SNTB1: variants seen among roughly 807,000 people sequenced by gnomAD.
SNTB1 encodes the protein beta-1-syntrophin.
Under a neutral mutation model 48.9 loss-of-function variants are expected in SNTB1, and 36 were observed. The ratio of observed to expected loss-of-function variants is 0.74; its 90% CI spans 0.56 to 0.97. SNTB1 has a LOEUF of 0.97. Among genes scored for constraint, SNTB1 ranks in the 50% least tolerant of loss-of-function variants. SNTB1 has a pLI of 0.00. For missense variants in SNTB1, 786 were observed against 703.4 expected, an observed-to-expected ratio of 1.12 and a Z score of -1.33; for synonymous variants, 299 against 294.6, an observed-to-expected ratio of 1.01 and a Z score of -0.15.
chr8:120,589,900 A>G (rs11774895), intron 3 of SNTB1, among the ~76,000 whole-genome samples: 1 of 151,924 alleles, frequency 6.6e-6, no homozygotes, highest in South Asian at 2.1e-4. Context: ...CCCAGAATTT[A>G]CTCTTTCCTT....
chr8:120,723,266 A>T (rs1818697222), intron 1 of SNTB1, among the ~76,000 whole-genome samples: 1 of 152,224 alleles, frequency 6.6e-6, no homozygotes, highest in South Asian at 2.1e-4. Flanking sequence ...ATATGAACAA[A>T]GCAGGTTTAA....
At chr8:120,717,580 C>A (rs532540863) in intron 1 of SNTB1, among the ~76,000 whole-genome samples, 11 of 152,332 alleles carry the variant, frequency 7.2e-5, no homozygotes, top group African/African-American at 2.6e-4. Context: ...GGTTGCCTTT[C>A]TTCATCACGG....
intron 1 of SNTB1, among the ~76,000 whole-genome samples, chr8:120,738,361 G>T (rs1420656232): frequency 6.6e-6 from 1 of 152,150 alleles, no homozygotes; most frequent in African/African-American, 2.4e-5. Flanking sequence ...ACCCACTAAA[G>T]CTTCTAAAGT....
intron 3 of SNTB1, among the ~76,000 whole-genome samples, chr8:120,599,928 C>A (rs191685052): frequency 4.6e-5 from 7 of 152,292 alleles, no homozygotes; most frequent in Admixed American, 1.3e-4. Context: ...TTGGATTATG[C>A]ATAAGCTATA....
At chr8:120,645,136 T>A (rs1245155042) in intron 2 of SNTB1, among the ~76,000 whole-genome samples, 1 of 151,838 alleles carries the variant, frequency 6.6e-6, no homozygotes, top group Middle Eastern at 3.4e-3. Context: ...TGATGGTAGT[T>A]TCTTTTGCTG....
Position 120,777,435 on chromosome 8 carries a change from C to A in SNTB1, c.571+33838G>T, listed in dbSNP as rs567463992. Among the ~76,000 whole-genome samples, 3 of 152,264 alleles carry A rather than the reference C, an allele frequency of 2.0e-5. No individual in the cohort carries two copies. In the South Asian group the frequency reaches 6.2e-4, roughly 32 times the overall value. On this transcript the variant is annotated intron_variant, in intron 1 of 6. Transcript: ENST00000517992. ...AGAGAGGAGAGCCACCTTGAAGTTA[C>A]AATTTTTAAAAAATCAGCCGCTAGA...
rs774157834 is a variant in SNTB1 at position 120,571,403 on chromosome 8, C to T, written c.1136+3683G>A. On this transcript the variant is annotated intron_variant, in intron 4 of 6. Coordinates refer to ENST00000517992, the MANE Select transcript of SNTB1 (RefSeq NM_021021.4). ...GTACAGAAAGCAATAGCGATTGGGCCGAATTCTCATGGACCCCAAGGCACA... is the reference window on the plus strand; with the variant it reads ...GTACAGAAAGCAATAGCGATTGGGCTGAATTCTCATGGACCCCAAGGCACA... The T allele has an allele frequency of 2.4e-5, 28 of 1,187,540 alleles. No homozygotes were observed. The South Asian group carries it at 2.8e-4, about 12-fold the overall frequency. 73.6% of individuals were successfully genotyped at this position (1,187,540 alleles called of 1,614,324 possible).
At chr8:120,588,216 A>G (rs1816180504) in intron 3 of SNTB1, among the ~76,000 whole-genome samples, 1 of 152,172 alleles carries the variant, frequency 6.6e-6, no homozygotes, top group Non-Finnish European at 1.5e-5. Context: ...AAGGAAGAAA[A>G]TGTTAAAATG....
chr8:120,658,307 A>G (rs1178157693), intron 2 of SNTB1, among the ~76,000 whole-genome samples: 2 of 152,186 alleles, frequency 1.3e-5, no homozygotes, highest in Non-Finnish European at 2.9e-5. Flanking sequence ...TAGAAGCTGG[A>G]TGGGACAGGA....
At position 120,558,468 on chromosome 8, in the gene SNTB1, G is replaced by C. The variant is rs148781472; in HGVS notation, c.1137-9510C>G. Among the ~76,000 whole-genome samples the C allele has an allele frequency of 2.4e-3, 373 of 152,268 alleles. 2 individuals carry two copies. The highest frequency in any genetic ancestry group is 8.7e-3 in the African/African-American group (361 of 41,540). On this transcript the variant is annotated intron_variant, in intron 4 of 6. Coordinates refer to ENST00000517992, the MANE Select transcript of SNTB1 (RefSeq NM_021021.4). ...GCTTTGTTCTTCACAAAATTGATTA[G>C]TTACAAAATTCAGAAACACATTCCC...
At chr8:120,645,577 T>C (rs1370762426) in intron 2 of SNTB1, among the ~76,000 whole-genome samples, 4 of 146,426 alleles carry the variant, frequency 2.7e-5, no homozygotes, top group Non-Finnish European at 6.1e-5. Flanking sequence ...CCTTGTAGTA[T>C]AGTTTGAAGT....
rs1304552658 is a variant in SNTB1 at position 120,537,151 on chromosome 8, A to C, written c.*1726T>G. The stretch of plus-strand genomic sequence containing the variant: ...GTTTTCTAAAGCATTAAAAAAAAAA[A>C]ACAAATAACAACAACAAAAAAACCC... On this transcript the variant is annotated 3_prime_UTR_variant, in exon 7 of 7. Coordinates refer to ENST00000517992, the MANE Select transcript of SNTB1 (RefSeq NM_021021.4). 6.6e-6 allele frequency: 1 copy of C among 151,222 alleles called. No individual in the cohort carries two copies. Among genetic ancestry groups the C allele is most frequent in the South Asian group, 2.1e-4 (1 of 4,790 alleles). The allele number at this position is 151,222 out of a possible 1,614,324, so 9.4% of individuals were successfully genotyped here. A position where few individuals can be genotyped will look rare whatever the true frequency, so the allele number is the denominator to read the frequency against.
At chr8:120,553,581 T>C (rs201849296) in intron 4 of SNTB1, among the ~76,000 whole-genome samples, 1 of 152,218 alleles carries the variant, frequency 6.6e-6, no homozygotes, top group East Asian at 1.9e-4. Context: ...AATGCATCTA[T>C]ATTCTGGAAA....
intron 2 of SNTB1, among the ~76,000 whole-genome samples, chr8:120,664,253 A>G (rs1324439907): frequency 1.3e-5 from 2 of 152,186 alleles, no homozygotes; most frequent in African/African-American, 2.4e-5. Flanking sequence ...AAGAGTGGGT[A>G]TTCCAGTCTG....
chr8:120,712,800 T>C (rs1350997740), intron 1 of SNTB1, among the ~76,000 whole-genome samples: 5 of 152,146 alleles, frequency 3.3e-5, no homozygotes, highest in Non-Finnish European at 5.9e-5. Flanking sequence ...TTATTTTCCA[T>C]ATGAAGAAGC....
At chr8:120,791,009 GTACTATA>G (rs1410096190) in intron 1 of SNTB1, among the ~76,000 whole-genome samples, 9 of 151,438 alleles carry the variant, frequency 5.9e-5, no homozygotes, top group South Asian at 2.1e-4. Context: ...ATAGTATATA[GTACTATA>G]TACTATATAC....
At chr8:120,552,622 C>T (rs1205387260) in intron 4 of SNTB1, among the ~76,000 whole-genome samples, 1 of 152,150 alleles carries the variant, frequency 6.6e-6, no homozygotes, top group African/African-American at 2.4e-5. Flanking sequence ...GGATTACAGG[C>T]ATGAGCCGCT....
intron 1 of SNTB1, among the ~76,000 whole-genome samples, chr8:120,710,502 C>T (rs371534876): frequency 3.2e-4 from 49 of 152,272 alleles, no homozygotes; most frequent in African/African-American, 1.1e-3. Flanking sequence ...GAATGCGTCC[C>T]CTCCAAAATT....
intron 4 of SNTB1, among the ~76,000 whole-genome samples, chr8:120,551,110 T>A (rs1815472050): frequency 6.6e-6 from 1 of 151,802 alleles, no homozygotes; most frequent in Non-Finnish European, 1.5e-5. Flanking sequence ...ACAAAAATTA[T>A]CTGGACATGG....
Sources: allele counts gnomAD v4.1 joint callset (sites outside exome capture counted in the v4.1 genomes callset), GRCh38; gene constraint gnomAD v4.1.1; transcripts MANE v1.5; gene names NCBI Gene and HGNC (gene_info 2026-07-23, HGNC 2026-07-21).